The following SLC16A12 variants were observed in gnomAD, a reference collection of about 807,000 sequenced individuals.
The protein encoded by SLC16A12 is solute carrier family 16 member 12.
Under a neutral mutation model 42.4 loss-of-function variants are expected in SLC16A12, and 17 were observed. That is an observed-to-expected ratio of 0.40 (90% CI 0.27 to 0.60). The LOEUF (loss-of-function observed/expected upper bound fraction) is 0.60. Ranked by LOEUF, SLC16A12 falls within the 20% of genes least tolerant of loss-of-function variation. SLC16A12 has a pLI of 0.42. For synonymous variants in SLC16A12, 224 were observed against 229.4 expected, an observed-to-expected ratio of 0.98 and a Z score of 0.21; for missense variants, 544 against 623.0, an observed-to-expected ratio of 0.87 and a Z score of 1.35.
At chr10:89,454,403 C>A (rs1842149538) in intron 3 of SLC16A12, among the ~76,000 whole-genome samples, 1 of 152,106 alleles carries the variant, frequency 6.6e-6, no homozygotes, top group Admixed American at 6.6e-5. Context: ...CCAAAACCCT[C>A]CTAATCTTCC....
chr10:89,451,465 G>A (rs189233456), intron 3 of SLC16A12, among the ~76,000 whole-genome samples: 16 of 152,076 alleles, frequency 1.1e-4, no homozygotes, highest in Admixed American at 9.8e-4. Context: ...AGGCTGGAGT[G>A]CAATGATGCA....
chr10:89,453,611 G>C (rs367912639), intron 3 of SLC16A12, among the ~76,000 whole-genome samples: 2 of 152,130 alleles, frequency 1.3e-5, no homozygotes, highest in Non-Finnish European at 2.9e-5. Context: ...TAGGTTATAC[G>C]ACATAGCCTA....
At chr10:89,456,971 T>C (rs571499545) in intron 3 of SLC16A12, among the ~76,000 whole-genome samples, 1 of 152,198 alleles carries the variant, frequency 6.6e-6, no homozygotes, top group Non-Finnish European at 1.5e-5. Flanking sequence ...GGCATTTGGG[T>C]TGATTCCATG....
chr10:89,436,063 C>G lies in SLC16A12; in HGVS notation c.1285G>C (p.Ala429Pro), dbSNP rs752419724. ...GGGTTTCTCTCTGGAAACTTACCTG[C>G]GATGGGTGGGCTCACCAAGTATGGC... Reference protein sequence around the residue: ...AVPYLVSPPIAGRLVDTTGSY... With the variant: ...AVPYLVSPPIPGRLVDTTGSY... The change falls in exon 7 of 8, where the codon GCA becomes CCA. Residue 429 changes from alanine (A) to proline (P), a missense_variant. By Grantham distance (27) the Ala-to-Pro change is conservative. Coordinates refer to ENST00000371790, the MANE Select transcript of SLC16A12 (RefSeq NM_213606.4). 1 of 1,613,556 alleles carries G rather than the reference C, an allele frequency of 6.2e-7. No individual in the cohort carries two copies. The highest frequency in any genetic ancestry group is 2.2e-5 in the East Asian group (1 of 44,886).
rs913700422 is a variant in SLC16A12, at chr10:89,534,568, G to A, written c.-114C>T. 1 of 149,676 alleles carries A rather than the reference G, an allele frequency of 6.7e-6. No homozygotes were observed. The highest frequency in any genetic ancestry group is 1.5e-5 in the Non-Finnish European group (1 of 67,858). 9.3% of individuals were successfully genotyped at this position (149,676 alleles called of 1,614,324 possible). On this transcript the variant is annotated 5_prime_UTR_variant, in exon 2 of 8. Coordinates refer to ENST00000371790, the MANE Select transcript of SLC16A12 (RefSeq NM_213606.4). ...CACGCCTGTAATCCCATCACTTTGGGAGGCTAAAGCGGGCAGATCGCTTGA... is the reference window on the plus strand; with the variant it reads ...CACGCCTGTAATCCCATCACTTTGGAAGGCTAAAGCGGGCAGATCGCTTGA...
intron 2 of SLC16A12, among the ~76,000 whole-genome samples, chr10:89,495,280 G>C (rs1842908325): frequency 6.6e-6 from 1 of 152,042 alleles, no homozygotes. Flanking sequence ...CTTGAACCTA[G>C]GAGGCGGAGG....
chr10:89,517,003 G>A (rs938280551), intron 2 of SLC16A12, among the ~76,000 whole-genome samples: 4 of 152,104 alleles, frequency 2.6e-5, no homozygotes, highest in African/African-American at 9.7e-5. Flanking sequence ...CAGGAGGATC[G>A]TTTGAGGCCA....
chr10:89,464,278 C>T lies in SLC16A12; in HGVS notation c.-46-1654G>A, dbSNP rs191084073. ...CTCCAGTTAAGGACAGTCTCACTGA[C>T]ACCCTGACTGCAGCTTTGTGATACC... On this transcript the variant is annotated intron_variant, in intron 2 of 7. Transcript: ENST00000371790. 2.0e-5 allele frequency among the ~76,000 whole-genome samples: 3 copies of T among 152,328 alleles called. No homozygotes were observed. In the East Asian group the frequency reaches 5.8e-4, roughly 29 times the overall value.
rs1841677196 is a variant in SLC16A12, at chr10:89,430,355, A to C, written c.*2709T>G. On this transcript the variant is annotated 3_prime_UTR_variant, in exon 8 of 8. Transcript: ENST00000371790. ...TTGAAATAAGAAAATATTAGCATAA[A>C]TATTTCATCTATTAATGAAATTACA... is the stretch of plus-strand genomic sequence containing the variant. The C allele has an allele frequency of 4.3e-6, 1 of 231,468 alleles. No homozygotes were observed. Among genetic ancestry groups the C allele is most frequent in the South Asian group, 5.1e-5 (1 of 19,448 alleles). The allele number at this position is 231,468 out of a possible 1,614,324, so 14.3% of individuals were successfully genotyped here.
intron 2 of SLC16A12, among the ~76,000 whole-genome samples, chr10:89,546,950 G>A (rs578181554): frequency 2.0e-5 from 3 of 152,226 alleles, no homozygotes; most frequent in South Asian, 2.1e-4. Context: ...ACCAAACACC[G>A]CATATTCTCC....
chr10:89,525,534 A>G (rs1379673957), intron 2 of SLC16A12, among the ~76,000 whole-genome samples: 3 of 152,262 alleles, frequency 2.0e-5, no homozygotes, highest in Non-Finnish European at 4.4e-5. Flanking sequence ...CTTAATTTTG[A>G]TAAAATGACG....
intron 2 of SLC16A12, among the ~76,000 whole-genome samples, chr10:89,471,855 AT>A (rs1291126353): frequency 6.6e-6 from 1 of 152,174 alleles, no homozygotes; most frequent in Admixed American, 6.5e-5. Flanking sequence ...TGTAGTTTTA[AT>A]TTGTACTTCC....
chr10:89,491,443 G>T (rs142885872), intron 2 of SLC16A12, among the ~76,000 whole-genome samples: 3 of 150,432 alleles, frequency 2.0e-5, no homozygotes, highest in East Asian at 3.9e-4. Context: ...TAACAAGTGC[G>T]CATACCAAGT....
At chr10:89,543,688 A>T (rs1454288015) in intron 2 of SLC16A12, among the ~76,000 whole-genome samples, 1 of 152,298 alleles carries the variant, frequency 6.6e-6, no homozygotes, top group African/African-American at 2.4e-5. Context: ...TTAAAAACTT[A>T]GCTAGGCATG....
intron 6 of SLC16A12, among the ~76,000 whole-genome samples, chr10:89,436,573 C>T (rs1185372843): frequency 6.6e-6 from 1 of 152,118 alleles, no homozygotes; most frequent in African/African-American, 2.4e-5. Context: ...TCCTGCCACC[C>T]ACTGCCTGCC....
At chr10:89,471,927 T>C (rs1205025030) in intron 2 of SLC16A12, among the ~76,000 whole-genome samples, 1 of 152,218 alleles carries the variant, frequency 6.6e-6, no homozygotes, top group Non-Finnish European at 1.5e-5. Context: ...ATATCTTTTT[T>C]GTGAGGTGTC....
intron 2 of SLC16A12, among the ~76,000 whole-genome samples, chr10:89,464,999 T>A (rs1842368648): frequency 6.6e-6 from 1 of 152,148 alleles, no homozygotes; most frequent in African/African-American, 2.4e-5. Flanking sequence ...TAAAAGTTAT[T>A]ACTGGAAATG....
At chr10:89,438,527 C>A in intron 6 of SLC16A12, 77 bp downstream of exon 6, 1 of 1,298,692 alleles carries the variant, frequency 7.7e-7, no homozygotes, top group Non-Finnish European at 1.1e-6. Context: ...AGGTACTCCA[C>A]AGGGTAAGGG....
Position 89,528,516 on chromosome 10 carries a change from T to TGAATTCCA in SLC16A12, c.-47+5977_-47+5984dup, listed in dbSNP as rs1843491406. ...TGACATCTTATACACATAAGCCTAGTGAATTCCACAGAGAAGAAAAAAAAT... is the reference window on the plus strand; with the variant it reads ...TGACATCTTATACACATAAGCCTAGTGAATTCCAGAATTCCACAGAGAAGAAAAAAAAT... On this transcript the variant is annotated intron_variant, in intron 2 of 7. Transcript: ENST00000371790. 4.6e-5 allele frequency among the ~76,000 whole-genome samples: 7 copies of TGAATTCCA among 152,138 alleles called. No individual in the cohort carries two copies. In the South Asian group the frequency reaches 1.5e-3, roughly 32 times the overall value.
Sources: allele counts gnomAD v4.1 joint callset (sites outside exome capture counted in the v4.1 genomes callset), GRCh38; gene constraint gnomAD v4.1.1; transcripts MANE v1.5; gene names NCBI Gene and HGNC (gene_info 2026-07-23, HGNC 2026-07-21).